Variants in PLEKHB2 observed in about 807,000 individuals in gnomAD.
The protein encoded by PLEKHB2 is pleckstrin homology domain-containing family B member 2.
A neutral mutation model predicts 36.5 loss-of-function variants in PLEKHB2; 31 were observed. The ratio of observed to expected loss-of-function variants is 0.85; its 90% CI spans 0.64 to 1.15. The LOEUF (loss-of-function observed/expected upper bound fraction) is 1.15, where lower values mean the gene tolerates loss of function less well. PLEKHB2 is among the 50% of genes most tolerant of loss of function. PLEKHB2 has a pLI of 0.00. For missense variants in PLEKHB2, 262 were observed against 295.3 expected, an observed-to-expected ratio of 0.89 and a Z score of 0.83; for synonymous variants, 119 against 112.0, an observed-to-expected ratio of 1.06 and a Z score of -0.39.
At chr2:131,124,932 C>T (rs1444836687) in intron 2 of PLEKHB2, among the ~76,000 whole-genome samples, 1 of 151,900 alleles carries the variant, frequency 6.6e-6, no homozygotes. Context: ...ATTACAGGTA[C>T]GAGCCACCAC....
At chr2:131,127,901 G>A (rs981803948) in intron 4 of PLEKHB2, among the ~76,000 whole-genome samples, 3 of 152,194 alleles carry the variant, frequency 2.0e-5, no homozygotes, top group African/African-American at 7.2e-5. Context: ...GAGGCTGGAC[G>A]GTTCTCCCAG....
chr2:131,119,371 G>C (rs1370787065), intron 1 of PLEKHB2, among the ~76,000 whole-genome samples: 2 of 152,156 alleles, frequency 1.3e-5, no homozygotes, highest in Non-Finnish European at 2.9e-5. Context: ...TTTGTTTCCA[G>C]AGACACATCT....
In PLEKHB2 at chr2:131,110,551, T is replaced by C. The variant is rs1695200561; in HGVS notation, c.-9+5153T>C. Among the ~76,000 whole-genome samples the C allele has an allele frequency of 4.6e-5, 7 of 152,220 alleles. No individual in the cohort carries two copies. In the South Asian group the frequency reaches 8.3e-4, roughly 18 times the overall value. ...CCACTATGTGCAGCTAACTTCTTATTTTTTTGTTGAGAATGTCTCACTGTG... is the reference window on the plus strand; with the variant it reads ...CCACTATGTGCAGCTAACTTCTTATCTTTTTGTTGAGAATGTCTCACTGTG... On this transcript the variant is annotated intron_variant, in intron 1 of 7. Transcript: ENST00000693505.
intron 1 of PLEKHB2, among the ~76,000 whole-genome samples, chr2:131,108,779 T>G (rs557852155): frequency 6.6e-6 from 1 of 152,324 alleles, no homozygotes; most frequent in African/African-American, 2.4e-5. Context: ...AAATAAGTAA[T>G]AGTAATAATA....
chr2:131,126,300 G>A (rs1697095566), intron 3 of PLEKHB2, among the ~76,000 whole-genome samples: 2 of 152,152 alleles, frequency 1.3e-5, no homozygotes, highest in African/African-American at 4.8e-5. Flanking sequence ...GGCCGAGGTG[G>A]GTGGATCACG....
At chr2:131,106,378 T>G (rs991256301) in intron 1 of PLEKHB2, among the ~76,000 whole-genome samples, 1 of 152,016 alleles carries the variant, frequency 6.6e-6, no homozygotes, top group African/African-American at 2.4e-5. Flanking sequence ...TGGCCTTTGG[T>G]ATGAACCAGT....
chr2:131,132,748 C>G (rs1251921868), intron 5 of PLEKHB2, among the ~76,000 whole-genome samples, 154 bp from the exon 6 acceptor site: 3 of 152,212 alleles, frequency 2.0e-5, no homozygotes, highest in African/African-American at 7.2e-5. Context: ...GGGGCCCCCA[C>G]TGGACTGGGG....
chr2:131,139,036 G>A (rs116647447), intron 6 of PLEKHB2, among the ~76,000 whole-genome samples: 1 of 152,354 alleles, frequency 6.6e-6, no homozygotes, highest in African/African-American at 2.4e-5. Flanking sequence ...ATGTGAGGCT[G>A]AAGGCTTTTA....
intron 2 of PLEKHB2, among the ~76,000 whole-genome samples, chr2:131,123,288 C>T (rs369873272): frequency 6.6e-5 from 10 of 152,234 alleles, no homozygotes; most frequent in East Asian, 3.9e-4. Context: ...ATTATATTCA[C>T]GGGGTTGTAG....
chr2:131,133,381 C>T (rs868585881), intron 6 of PLEKHB2, among the ~76,000 whole-genome samples: 2 of 152,264 alleles, frequency 1.3e-5, no homozygotes, highest in Middle Eastern at 6.8e-3. Flanking sequence ...TTGGGATGTC[C>T]TCTTGTTGGG....
At chr2:131,112,825 C>T (rs1261216499) in intron 1 of PLEKHB2, among the ~76,000 whole-genome samples, 1 of 152,128 alleles carries the variant, frequency 6.6e-6, no homozygotes, top group African/African-American at 2.4e-5. Context: ...TAACCCTGAG[C>T]GTGGCTGGGG....
At chr2:131,110,471 G>C (rs1435690904) in intron 1 of PLEKHB2, among the ~76,000 whole-genome samples, 1 of 152,058 alleles carries the variant, frequency 6.6e-6, no homozygotes, top group East Asian at 1.9e-4. Flanking sequence ...TACCTTCTGG[G>C]CTCAAGCGAT....
intron 7 of PLEKHB2, among the ~76,000 whole-genome samples, chr2:131,143,154 G>C (rs1383198733): frequency 6.6e-6 from 1 of 152,140 alleles, no homozygotes; most frequent in African/African-American, 2.4e-5. Flanking sequence ...GGTAGGCTAT[G>C]CTAAGCTATG....
At chr2:131,140,317 G>A (rs748164955) in intron 7 of PLEKHB2, 42 bp downstream of exon 7, 1 of 1,072,646 alleles carries the variant, frequency 9.3e-7, no homozygotes, top group South Asian at 1.3e-5. Flanking sequence ...CTCTCCATTT[G>A]CTGAGTAGAC....
chr2:131,149,187 G>A lies in PLEKHB2; in HGVS notation c.*2414G>A, dbSNP rs933565165. The A allele has an allele frequency of 6.6e-6, 1 of 152,204 alleles. No individual in the cohort carries two copies. The highest frequency in any genetic ancestry group is 2.1e-4 in the South Asian group (1 of 4,834). 9.4% of individuals were successfully genotyped at this position (152,204 alleles called of 1,614,324 possible). A position where few individuals can be genotyped will look rare whatever the true frequency, so the allele number is the denominator to read the frequency against. ...GGTATGAAATGCATACTGGGTATAA[G>A]GTTGCTCAGGTATTTTATTTCCTTG... On this transcript the variant is annotated 3_prime_UTR_variant, in exon 8 of 8. Transcript: ENST00000693505.
rs552574049 is a variant in PLEKHB2, at chr2:131,121,124, C to T, written c.37+146C>T. ...AGTTTCCCCTTGGACATTCCTAGAT[C>T]TCTGTGAACTGTCTTGCACACCACG... On this transcript the variant is annotated intron_variant, in intron 2 of 7. Coordinates refer to ENST00000693505, the MANE Select transcript of PLEKHB2 (RefSeq NM_001100623.2). The T allele has an allele frequency of 2.4e-4, 172 of 721,288 alleles. No homozygotes were observed. The African/African-American group carries it at 2.6e-3, about 11-fold the overall frequency. The allele number at this position is 721,288 out of a possible 1,614,324, so 44.7% of individuals were successfully genotyped here.
intron 1 of PLEKHB2, among the ~76,000 whole-genome samples, chr2:131,115,224 A>G (rs1038450356): frequency 4.6e-5 from 7 of 152,118 alleles, no homozygotes; most frequent in African/African-American, 1.7e-4. Flanking sequence ...GTATGGGGGA[A>G]ACTGTCCCCA....
chr2:131,145,978 C>G (rs2113776), intron 7 of PLEKHB2, among the ~76,000 whole-genome samples: 4,253 of 151,904 alleles, frequency 0.028, 194 homozygotes, highest in African/African-American at 0.097. Context: ...GTCAGGAGAT[C>G]GAGACCATCC....
intron 6 of PLEKHB2, among the ~76,000 whole-genome samples, chr2:131,137,470 A>G (rs1335998770): frequency 1.3e-5 from 2 of 152,144 alleles, no homozygotes; most frequent in African/African-American, 4.8e-5. Context: ...TCTAGTTTGT[A>G]TGGAGTAGGT....
Sources: gnomAD v4.1 joint callset for allele counts (sites outside exome capture counted in the v4.1 genomes callset) on GRCh38, gnomAD v4.1.1 for gene constraint, MANE v1.5 for transcripts, NCBI Gene and HGNC (gene_info 2026-07-23, HGNC 2026-07-21) for gene names.